The following GPM6A variants were observed in gnomAD, a reference collection of about 807,000 sequenced individuals.
The protein encoded by GPM6A is neuronal membrane glycoprotein M6-a.
A neutral mutation model predicts 32.1 loss-of-function variants in GPM6A; 7 were observed. The observed-to-expected ratio is 0.22, with a 90% CI of 0.12 to 0.41. The LOEUF (loss-of-function observed/expected upper bound fraction) is 0.41. Among genes scored for constraint, GPM6A ranks in the 10% least tolerant of loss-of-function variants. The pLI, the probability that GPM6A is intolerant of heterozygous loss-of-function variation, is 1.00. For synonymous variants in GPM6A, 130 were observed against 123.4 expected (o/e 1.05, Z -0.35); for missense variants, 235 against 347.2 (o/e 0.68, Z 2.57).
intron 1 of GPM6A, among the ~76,000 whole-genome samples, chr4:175,797,718 T>C (rs1164773383): frequency 6.6e-6 from 1 of 152,184 alleles, no homozygotes. Context: ...TACATGATTG[T>C]AGGCTTCGAA....
chr4:175,660,367 G>C (rs1296594096), intron 3 of GPM6A, among the ~76,000 whole-genome samples: 2 of 151,434 alleles, frequency 1.3e-5, no homozygotes, highest in Non-Finnish European at 2.9e-5. Flanking sequence ...CTGGGTGAGA[G>C]AGCAAGACTC....
intron 1 of GPM6A, among the ~76,000 whole-genome samples, chr4:175,719,788 T>C (rs1746021503): frequency 6.6e-6 from 1 of 152,162 alleles, no homozygotes; most frequent in Non-Finnish European, 1.5e-5. Flanking sequence ...CATCAGAGAC[T>C]TTAAAAAGCT....
chr4:175,798,316 T>C (rs554958250), intron 1 of GPM6A, among the ~76,000 whole-genome samples: 2 of 152,324 alleles, frequency 1.3e-5, no homozygotes, highest in East Asian at 1.9e-4. Flanking sequence ...TTATTTAAAC[T>C]TGACGTTAAG....
chr4:175,962,322 G>T, intron 1 of GPM6A: 1 of 967,972 alleles, frequency 1.0e-6, no homozygotes, highest in Non-Finnish European at 1.7e-6. Context: ...GGGTCCTGTG[G>T]CCACTCCTGA....
intron 1 of GPM6A, among the ~76,000 whole-genome samples, chr4:175,943,914 T>G (rs950688247): frequency 2.6e-5 from 4 of 152,054 alleles, no homozygotes; most frequent in African/African-American, 9.7e-5. Flanking sequence ...TAGAGAGGAG[T>G]CCCTCTTTTT....
intron 1 of GPM6A, among the ~76,000 whole-genome samples, chr4:175,894,537 A>T (rs1737740039): frequency 6.6e-6 from 1 of 152,172 alleles, no homozygotes; most frequent in Non-Finnish European, 1.5e-5. Context: ...ATGCAAAAAG[A>T]GTGTGTTCCA....
chr4:175,742,255 C>T (rs894033109), intron 1 of GPM6A, among the ~76,000 whole-genome samples: 1 of 152,060 alleles, frequency 6.6e-6, no homozygotes, highest in Non-Finnish European at 1.5e-5. Context: ...ATAATTCCTT[C>T]TCCTTTATGG....
At chr4:175,733,459 C>A (rs560911417) in intron 1 of GPM6A, among the ~76,000 whole-genome samples, 2 of 152,170 alleles carry the variant, frequency 1.3e-5, no homozygotes, top group South Asian at 2.1e-4. Flanking sequence ...GCCAAGATTG[C>A]GCCACTGCAC....
At chr4:175,832,054 G>A (rs1222818197) in intron 1 of GPM6A, among the ~76,000 whole-genome samples, 1 of 151,916 alleles carries the variant, frequency 6.6e-6, no homozygotes, top group Non-Finnish European at 1.5e-5. Context: ...CTTAATGCTG[G>A]AAGTACCTTC....
At chr4:175,711,436 A>AAG (rs2111091281) in intron 1 of GPM6A, among the ~76,000 whole-genome samples, 1 of 88,196 alleles carries the variant, frequency 1.1e-5, no homozygotes, top group African/African-American at 3.8e-5. Context: ...ATATATATAT[A>AAG]TATATATATA....
intron 1 of GPM6A, among the ~76,000 whole-genome samples, chr4:175,726,201 G>A (rs1038409742): frequency 9.3e-5 from 14 of 150,988 alleles, no homozygotes; most frequent in Admixed American, 2.6e-4. Flanking sequence ...GGGTTTCACC[G>A]TGTTGGCCAG....
At chr4:175,997,426 G>A (rs1741342003) in intron 1 of GPM6A, among the ~76,000 whole-genome samples, 1 of 151,698 alleles carries the variant, frequency 6.6e-6, no homozygotes, top group Non-Finnish European at 1.5e-5. Flanking sequence ...TTCTTGATTT[G>A]CTTAATGGAA....
chr4:175,779,513 T>C (rs1475971014), intron 1 of GPM6A, among the ~76,000 whole-genome samples: 1 of 152,158 alleles, frequency 6.6e-6, no homozygotes, highest in Non-Finnish European at 1.5e-5. Context: ...TGGGGCAACA[T>C]GAACATGTGT....
chr4:175,745,291 C>T (rs935382180), intron 1 of GPM6A, among the ~76,000 whole-genome samples: 1 of 152,140 alleles, frequency 6.6e-6, no homozygotes, highest in Admixed American at 6.6e-5. Flanking sequence ...TATTATTCAG[C>T]AGTAGCTTAA....
chr4:175,691,209 G>C (rs540229584), intron 2 of GPM6A, among the ~76,000 whole-genome samples: 6 of 152,162 alleles, frequency 3.9e-5, no homozygotes, highest in African/African-American at 7.2e-5. Context: ...ATCCTCTGAC[G>C]AAGAAGTCAC....
rs114527223 is a variant in GPM6A at position 175,841,752 on chromosome 4, T to A, written c.-22-29503A>T. ...GTTAGCCTGTTTTATAACATAACATTTTTATAAATGGAGGGATTATAAGGC... is the reference window on the plus strand; with the variant it reads ...GTTAGCCTGTTTTATAACATAACATATTTATAAATGGAGGGATTATAAGGC... On this transcript the variant is annotated intron_variant, in intron 1 of 7. Transcript: ENST00000280187. 9.7e-3 allele frequency among the ~76,000 whole-genome samples: 1,481 copies of A among 152,306 alleles called. 35 individuals are homozygous for A. The highest frequency in any genetic ancestry group is 0.094 in the South Asian group (453 of 4,828).
At chr4:175,792,548 G>A (rs911608486) in intron 1 of GPM6A, among the ~76,000 whole-genome samples, 3 of 151,906 alleles carry the variant, frequency 2.0e-5, no homozygotes, top group South Asian at 2.1e-4. Context: ...TGAGAATGGC[G>A]TTATTTTTCA....
intron 3 of GPM6A, chr4:175,654,241 A>G (rs1741952953): frequency 6.6e-6 from 1 of 152,196 alleles, no homozygotes; most frequent in Non-Finnish European, 1.5e-5. Context: ...TAAACTAAAT[A>G]TCACGTGCAT....
intron 4 of GPM6A, among the ~76,000 whole-genome samples, chr4:175,650,633 G>C (rs1258451397): frequency 6.6e-6 from 1 of 152,082 alleles, no homozygotes; most frequent in Non-Finnish European, 1.5e-5. Flanking sequence ...ATGCGAACTA[G>C]TGTACTGTAG....
Sources: gnomAD v4.1 joint callset for allele counts (sites outside exome capture counted in the v4.1 genomes callset) on GRCh38, gnomAD v4.1.1 for gene constraint, MANE v1.5 for transcripts, NCBI Gene and HGNC (gene_info 2026-07-23, HGNC 2026-07-21) for gene names.